Variants in ENTPD7 observed in about 807,000 individuals in gnomAD.
ENTPD7 encodes the protein NTPDase 7.
Under a neutral mutation model 77.9 loss-of-function variants are expected in ENTPD7, and 53 were observed. That is an observed-to-expected ratio of 0.68 (90% CI 0.55 to 0.85). The LOEUF (loss-of-function observed/expected upper bound fraction) is 0.85, where lower values mean the gene tolerates loss of function less well. ENTPD7 is among the 40% of genes least tolerant of loss of function. The pLI is 0.00. For missense variants in ENTPD7, 636 were observed against 743.7 expected, an observed-to-expected ratio of 0.86 and a Z score of 1.68; for synonymous variants, 248 against 274.9, an observed-to-expected ratio of 0.90 and a Z score of 0.97.
At position 99,679,809 on chromosome 10, in the gene ENTPD7, T is replaced by C; in HGVS notation, c.482T>C (p.Val161Ala). ...LLSFAAAHVP[V>A]KKHKETPLYI... ...AGCTTTGCTGCTGCTCATGTGCCTG[T>C]GAAGAAGCACAAGGAGACCCCTCTT... is the stretch of plus-strand genomic sequence containing the variant. The change falls in exon 5 of 13, where the codon GTG becomes GCG. Residue 161 changes from valine (V) to alanine (A), a missense_variant. This residue lies in a region of ENTPD7 where 486 missense variants were observed against 556.5 expected (regional missense o/e 0.87). Coordinates refer to ENST00000370489, the MANE Select transcript of ENTPD7 (RefSeq NM_020354.5). 6.2e-7 allele frequency: 1 copy of C among 1,614,196 alleles called. No homozygotes were observed. Among genetic ancestry groups the C allele is most frequent in the Non-Finnish European group, 8.5e-7 (1 of 1,180,034 alleles).
intron 10 of ENTPD7, among the ~76,000 whole-genome samples, chr10:99,700,393 C>CGTGT (rs1274032554): frequency 6.4e-4 from 66 of 103,644 alleles, no homozygotes; most frequent in African/African-American, 2.5e-3. Flanking sequence ...TCCAACGTAC[C>CGTGT]GTGTGTGTGT....
At position 99,659,631 on chromosome 10, in the gene ENTPD7, G is replaced by A; in HGVS notation, c.-96+43G>A. 4.1e-6 allele frequency: 1 copy of A among 246,122 alleles called. No homozygotes were observed. The highest frequency in any genetic ancestry group is 7.9e-6 in the Non-Finnish European group (1 of 126,834). 15.2% of individuals were successfully genotyped at this position (246,122 alleles called of 1,614,324 possible). A position where few individuals can be genotyped will look rare whatever the true frequency, so the allele number is the denominator to read the frequency against. On this transcript the variant is annotated intron_variant, in intron 1 of 12. Transcript: ENST00000370489. This position sits in a 1 kb window ranked among gnomAD's most constrained non-coding sequence, Gnocchi z 4.1. The stretch of plus-strand genomic sequence containing the variant: ...AGGGCTGTGGGACCCGGAGGGACGG[G>A]GAGAGGAAGCGGGACCCACACCCCG...
chr10:99,661,179 G>C (rs980882001), intron 2 of ENTPD7, among the ~76,000 whole-genome samples: 1 of 152,164 alleles, frequency 6.6e-6, no homozygotes, highest in Admixed American at 6.5e-5. Flanking sequence ...GTTGCCCAGG[G>C]AGACTGGTGA....
chr10:99,660,528 ACACAC>A, intron 2 of ENTPD7: 1 of 6,328 alleles, frequency 1.6e-4, no homozygotes, highest in South Asian at 7.9e-4. Context: ...ATGGATACGC[ACACAC>A]ACACACACAC....
chr10:99,690,546 ATTTT>A (rs34605992), intron 7 of ENTPD7, among the ~76,000 whole-genome samples: 1 of 141,910 alleles, frequency 7.0e-6, no homozygotes, highest in Non-Finnish European at 1.5e-5. Flanking sequence ...ATGTTTCATA[ATTTT>A]TTTTTTTTTT....
chr10:99,679,273 A>C lies in ENTPD7; in HGVS notation c.204A>C (p.Arg68=). The C allele has an allele frequency of 2.5e-6, 4 of 1,614,092 alleles. No individual in the cohort carries two copies. Among genetic ancestry groups the C allele is most frequent in the Non-Finnish European group, 3.4e-6 (4 of 1,180,002 alleles). ...RDRQYERYLA[R]VGELEATDTE... The stretch of plus-strand genomic sequence containing the variant: ...TTGCCTGACTTAGGTATTTGGCTCG[A>C]GTAGGGGAGCTTGAAGCTACTGACA... The change falls in exon 4 of 13, where the codon CGA becomes CGC. Residue 68 remains arginine (R), a synonymous_variant. Transcript: ENST00000370489.
chr10:99,674,121 G>A (rs2035651540), intron 3 of ENTPD7, among the ~76,000 whole-genome samples: 1 of 152,164 alleles, frequency 6.6e-6, no homozygotes, highest in African/African-American at 2.4e-5. Context: ...GAACTGAGAA[G>A]CCATGTCCAA....
chr10:99,703,665 G>A (rs1050058405), intron 12 of ENTPD7, among the ~76,000 whole-genome samples: 2 of 152,114 alleles, frequency 1.3e-5, no homozygotes, highest in Non-Finnish European at 2.9e-5. Context: ...AGTTGATCAG[G>A]TAACAGCTTT....
At chr10:99,698,997 T>G in intron 10 of ENTPD7, 139 bp downstream of exon 10, 2 of 754,716 alleles carry the variant, frequency 2.7e-6, no homozygotes, top group Non-Finnish European at 4.2e-6. Flanking sequence ...AACACTCATT[T>G]TACAGATGAG....
In ENTPD7 at chr10:99,698,497, GTGTT is replaced by G. The variant is rs369470330; in HGVS notation, c.1011-19_1011-16del. The stretch of plus-strand genomic sequence containing the variant: ...AGACTAGGTTGAATACAGGCATGAC[GTGTT>G]TGTTTGTTTGTTTGTTTTTGTCATT... On this transcript the variant is annotated intron_variant, in intron 9 of 12. Transcript: ENST00000370489. 244 of 1,562,096 alleles carry G rather than the reference GTGTT, an allele frequency of 1.6e-4. No individual in the cohort carries two copies. In the Middle Eastern group the frequency reaches 1.7e-3, roughly 11 times the overall value.
chr10:99,710,907 A>G lies in ENTPD7; in HGVS notation c.*6224A>G. The stretch of plus-strand genomic sequence containing the variant: ...TGTTTTAATTTCCTTCATGTTTTAA[A>G]AACAATGGACGTAAGTGCAGAGAGA... On this transcript the variant is annotated 3_prime_UTR_variant, in exon 13 of 13. Coordinates refer to ENST00000370489, the MANE Select transcript of ENTPD7 (RefSeq NM_020354.5). 1 of 985,420 alleles carries G rather than the reference A, an allele frequency of 1.0e-6. No individual in the cohort carries two copies. The highest frequency in any genetic ancestry group is 1.2e-6 in the Non-Finnish European group (1 of 829,888). 61.0% of individuals were successfully genotyped at this position (985,420 alleles called of 1,614,324 possible).
At position 99,704,525 on chromosome 10, in the gene ENTPD7, C is replaced by G. The variant is rs754156188; in HGVS notation, c.1657C>G (p.Leu553Val). 3 of 1,614,228 alleles carry G rather than the reference C, an allele frequency of 1.9e-6. No individual in the cohort carries two copies. Among genetic ancestry groups the G allele is most frequent in the Non-Finnish European group, 2.5e-6 (3 of 1,180,046 alleles). The change falls in exon 13 of 13, where the codon CTC becomes GTC. Residue 553 changes from leucine (L) to valine (V), a missense_variant. Leu to Val is a conservative substitution (Grantham distance 32). Around this residue, in one of 3 missense-constraint regions of ENTPD7, gnomAD observed 138 missense variants for 150.9 expected, o/e 0.91. Transcript: ENST00000370489. ...FRLSFVYNHY[L>V]FFACILVVLL... ...TCTCTCCTTTGTATACAACCACTATCTCTTCTTTGCCTGTATCCTGGTGGT... is the reference window on the plus strand; with the variant it reads ...TCTCTCCTTTGTATACAACCACTATGTCTTCTTTGCCTGTATCCTGGTGGT...
At chr10:99,696,943 C>T (rs1353387721) in intron 9 of ENTPD7, among the ~76,000 whole-genome samples, 1 of 152,082 alleles carries the variant, frequency 6.6e-6, no homozygotes, top group Non-Finnish European at 1.5e-5. Context: ...AACCCAGTCA[C>T]GGAGAGAAGG....
At chr10:99,660,107 G>C in intron 2 of ENTPD7, 143 bp downstream of exon 2, 1 of 1,304,996 alleles carries the variant, frequency 7.7e-7, no homozygotes, top group Non-Finnish European at 1.1e-6. Context: ...ATGCAGAGAC[G>C]ATCAAAGTTG....
In ENTPD7 at chr10:99,705,773, T is replaced by G. The variant is rs1257177486; in HGVS notation, c.*1090T>G. 1 of 152,258 alleles carries G rather than the reference T, an allele frequency of 6.6e-6. No individual in the cohort carries two copies. Among genetic ancestry groups the G allele is most frequent in the Non-Finnish European group, 1.5e-5 (1 of 68,036 alleles). 9.4% of individuals were successfully genotyped at this position (152,258 alleles called of 1,614,324 possible). A position where few individuals can be genotyped will look rare whatever the true frequency, so the allele number is the denominator to read the frequency against. On this transcript the variant is annotated 3_prime_UTR_variant, in exon 13 of 13. Coordinates refer to ENST00000370489, the MANE Select transcript of ENTPD7 (RefSeq NM_020354.5). Reference sequence around the variant, plus strand: ...GGAGCAAATTTGGAATAGATCAATCTGTTAATAAGCCATCTGGCAACTTTC... The same window carrying G: ...GGAGCAAATTTGGAATAGATCAATCGGTTAATAAGCCATCTGGCAACTTTC...
chr10:99,692,763 T>G (rs989860309), intron 8 of ENTPD7, among the ~76,000 whole-genome samples: 2 of 152,154 alleles, frequency 1.3e-5, no homozygotes, highest in Non-Finnish European at 2.9e-5. Context: ...TTTATTTCCA[T>G]AGATAGTGGA....
At chr10:99,691,897 T>TG (rs2035889188) in intron 8 of ENTPD7, among the ~76,000 whole-genome samples, 4 of 152,250 alleles carry the variant, frequency 2.6e-5, no homozygotes, top group Admixed American at 2.6e-4. Context: ...ATATCTATTG[T>TG]TCAATAAATG....
At position 99,699,346 on chromosome 10, in the gene ENTPD7, A is replaced by G. The variant is rs113414342; in HGVS notation, c.1335+488A>G. Among the ~76,000 whole-genome samples the G allele has an allele frequency of 4.1e-4, 62 of 152,358 alleles. 1 individual carries two copies. Among genetic ancestry groups the G allele is most frequent in the Admixed American group, 2.0e-3 (31 of 15,306 alleles). On this transcript the variant is annotated intron_variant, in intron 10 of 12. Coordinates refer to ENST00000370489, the MANE Select transcript of ENTPD7 (RefSeq NM_020354.5). ...GGAATATTAGATGTTGTAAAAAGCA[A>G]TGATGGTGGAAGTTTGTTTAGATTT...
intron 3 of ENTPD7, among the ~76,000 whole-genome samples, chr10:99,671,600 G>T (rs1003837250): frequency 6.6e-6 from 1 of 152,194 alleles, no homozygotes; most frequent in African/African-American, 2.4e-5. Flanking sequence ...TATGCAGTGC[G>T]TGACTGTGTA....
Sources: allele counts gnomAD v4.1 joint callset (sites outside exome capture counted in the v4.1 genomes callset), GRCh38; gene constraint gnomAD v4.1.1; regional missense constraint gnomAD v4.1.1; non-coding constraint Gnocchi (gnomAD v3.1); transcripts MANE v1.5; gene names NCBI Gene and HGNC (gene_info 2026-07-23, HGNC 2026-07-21).